Variants in SOX5 observed in about 807,000 individuals in gnomAD.
SOX5 encodes transcription factor SOX-5.
Under a neutral mutation model 92.0 loss-of-function variants are expected in SOX5, and 9 were observed. The observed-to-expected ratio is 0.10, with a 90% CI of 0.06 to 0.17. The LOEUF (loss-of-function observed/expected upper bound fraction) is 0.17. Ranked by LOEUF, SOX5 falls within the 10% of genes least tolerant of loss-of-function variation. The pLI, the probability that SOX5 is intolerant of heterozygous loss-of-function variation, is 1.00. For synonymous variants in SOX5, 344 were observed against 336.3 expected (o/e 1.02, Z -0.25); for missense variants, 642 against 944.5 (o/e 0.68, Z 4.20).
intron 2 of SOX5, among the ~76,000 whole-genome samples, chr12:24,286,149 A>G (rs1422158719): frequency 1.3e-5 from 2 of 152,218 alleles, no homozygotes; most frequent in African/African-American, 4.8e-5. Flanking sequence ...ATGTTTGACA[A>G]TCACAATGCA....
At chr12:23,971,285 G>C (rs1948306668) in intron 4 of SOX5, among the ~76,000 whole-genome samples, 1 of 151,228 alleles carries the variant, frequency 6.6e-6, no homozygotes, top group African/African-American at 2.4e-5. Context: ...ACCATGCCTG[G>C]CTAATTTTTT....
intron 7 of SOX5, among the ~76,000 whole-genome samples, chr12:23,654,676 G>A (rs2082093547): frequency 6.6e-6 from 1 of 152,072 alleles, no homozygotes; most frequent in African/African-American, 2.4e-5. Flanking sequence ...CTATACACAA[G>A]TAAAGGTGAA....
intron 1 of SOX5, among the ~76,000 whole-genome samples, chr12:23,924,452 G>C (rs1939367609): frequency 6.6e-6 from 1 of 152,094 alleles, no homozygotes; most frequent in Non-Finnish European, 1.5e-5. Context: ...ACAAATTACA[G>C]TGAAATTTTG....
At chr12:24,364,470 T>C (rs1955934520) in intron 2 of SOX5, among the ~76,000 whole-genome samples, 2 of 147,324 alleles carry the variant, frequency 1.4e-5, no homozygotes, top group South Asian at 4.3e-4. Context: ...AAAATATCCA[T>C]TGATTTGTGT....
chr12:24,153,503 T>C (rs982305593), intron 4 of SOX5, among the ~76,000 whole-genome samples: 2 of 152,268 alleles, frequency 1.3e-5, no homozygotes, highest in African/African-American at 4.8e-5. Context: ...AATAGTTTTC[T>C]AGAAAACGCC....
intron 5 of SOX5, 61 bp downstream of exon 5, chr12:23,740,806 C>T: frequency 7.1e-7 from 1 of 1,399,702 alleles, no homozygotes; most frequent in Non-Finnish European, 9.9e-7. Context: ...GGACAGTGAC[C>T]TATAAGTAGC....
intron 3 of SOX5, among the ~76,000 whole-genome samples, chr12:24,270,363 T>A (rs1349103644): frequency 3.3e-5 from 5 of 152,154 alleles, no homozygotes; most frequent in Non-Finnish European, 7.4e-5. Context: ...TGGCCTAATG[T>A]GGGGAACTCT....
intron 2 of SOX5, among the ~76,000 whole-genome samples, chr12:23,886,193 T>G (rs1438247529): frequency 6.6e-6 from 1 of 152,174 alleles, no homozygotes; most frequent in African/African-American, 2.4e-5. Flanking sequence ...AAAGCCCAAG[T>G]GTTTGTCCTT....
intron 1 of SOX5, among the ~76,000 whole-genome samples, chr12:23,914,252 C>G (rs1220483677): frequency 6.6e-6 from 1 of 151,978 alleles, no homozygotes; most frequent in Non-Finnish European, 1.5e-5. Context: ...AAATTTTTTT[C>G]ATAGTAGTTG....
At chr12:23,588,783 T>C (rs1040745308) in intron 9 of SOX5, among the ~76,000 whole-genome samples, 2 of 151,886 alleles carry the variant, frequency 1.3e-5, no homozygotes, top group African/African-American at 4.8e-5. Context: ...GGTCATGTAC[T>C]GTATAGGAAC....
At chr12:24,024,152 A>G (rs749032428) in intron 4 of SOX5, among the ~76,000 whole-genome samples, 1 of 152,092 alleles carries the variant, frequency 6.6e-6, no homozygotes, top group African/African-American at 2.4e-5. Flanking sequence ...TTATTAAAAT[A>G]CAAAGAAGTA....
chr12:23,781,122 C>A (rs1297522964), intron 3 of SOX5, among the ~76,000 whole-genome samples: 1 of 151,994 alleles, frequency 6.6e-6, no homozygotes, highest in Non-Finnish European at 1.5e-5. Flanking sequence ...TATGAAGAGA[C>A]AACAGTCCCC....
chr12:23,588,005 TAG>T (rs1950987209), intron 9 of SOX5, among the ~76,000 whole-genome samples: 1 of 152,068 alleles, frequency 6.6e-6, no homozygotes, highest in Admixed American at 6.6e-5. Flanking sequence ...ATAACCTCAA[TAG>T]AGTCATTAAG....
At chr12:23,829,939 C>G (rs1483944733) in intron 3 of SOX5, among the ~76,000 whole-genome samples, 1 of 152,068 alleles carries the variant, frequency 6.6e-6, no homozygotes, top group Non-Finnish European at 1.5e-5. Flanking sequence ...ATAAAGACAA[C>G]ACTGGTACTC....
intron 14 of SOX5, among the ~76,000 whole-genome samples, chr12:23,535,727 G>A (rs760536265): frequency 6.6e-6 from 1 of 152,172 alleles, no homozygotes; most frequent in Non-Finnish European, 1.5e-5. Flanking sequence ...AAGGTTTTAT[G>A]AGTCCTTCTC....
intron 6 of SOX5, among the ~76,000 whole-genome samples, chr12:23,682,907 A>G (rs1203997948): frequency 6.6e-6 from 1 of 151,882 alleles, no homozygotes; most frequent in African/African-American, 2.4e-5. Context: ...TGATAAAACC[A>G]ACATCTCTAA....
In SOX5 at chr12:23,895,780, A is replaced by C; in HGVS notation, c.270+13T>G. ...AAAGTGAGTGTAGGCACAATAAACC[A>C]TGAGAAACCTACCATTGTATTGTGC... On this transcript the variant is annotated intron_variant, in intron 2 of 14. Coordinates refer to ENST00000451604, the MANE Select transcript of SOX5 (RefSeq NM_006940.6). 1 of 1,578,436 alleles carries C rather than the reference A, an allele frequency of 6.3e-7. No individual in the cohort carries two copies.
chr12:23,691,748 T>C (rs2140044752), intron 6 of SOX5, among the ~76,000 whole-genome samples: 1 of 152,312 alleles, frequency 6.6e-6, no homozygotes, highest in South Asian at 2.1e-4. Flanking sequence ...TGTGTCTTTA[T>C]TAGTGGCAAA....
chr12:24,049,377 C>G (rs11047230), intron 4 of SOX5, among the ~76,000 whole-genome samples: 1 of 152,190 alleles, frequency 6.6e-6, no homozygotes, highest in Non-Finnish European at 1.5e-5. Flanking sequence ...CATTTCCTAT[C>G]TAAACTGACC....
Sources: gnomAD v4.1 joint callset for allele counts (sites outside exome capture counted in the v4.1 genomes callset) on GRCh38, gnomAD v4.1.1 for gene constraint, MANE v1.5 for transcripts, NCBI Gene and HGNC (gene_info 2026-07-23, HGNC 2026-07-21) for gene names.